The following PRKCH variants were observed in gnomAD, a reference collection of about 807,000 sequenced individuals.
PRKCH encodes protein kinase C eta type.
PRKCH carries 28 observed loss-of-function variants against 82.5 expected under a neutral mutation model. The ratio of observed to expected loss-of-function variants is 0.34; its 90% confidence interval spans 0.25 to 0.47. PRKCH has a LOEUF of 0.47. Among genes scored for constraint, PRKCH ranks in the 20% least tolerant of loss-of-function variants. PRKCH has a pLI of 1.00. For missense variants in PRKCH, 705 were observed against 881.8 expected (o/e 0.80, Z 2.54); for synonymous variants, 322 against 327.4 (o/e 0.98, Z 0.18).
At chr14:61,266,087 G>A (rs1436216136) in intron 1 of PRKCH, among the ~76,000 whole-genome samples, 5 of 151,326 alleles carry the variant, frequency 3.3e-5, no homozygotes, top group Non-Finnish European at 7.4e-5. Context: ...TTAAGAGGGA[G>A]AAAGAGTTTT....
chr14:61,422,632 A>C (rs1882901334), intron 2 of PRKCH, among the ~76,000 whole-genome samples: 1 of 152,206 alleles, frequency 6.6e-6, no homozygotes, highest in Non-Finnish European at 1.5e-5. Context: ...AGCACCCTGG[A>C]CATGCATACT....
chr14:61,364,927 T>C (rs2046278116), intron 1 of PRKCH, among the ~76,000 whole-genome samples: 1 of 152,002 alleles, frequency 6.6e-6, no homozygotes, highest in Non-Finnish European at 1.5e-5. Context: ...TTCGTAGACC[T>C]GGATGGCTTG....
intron 9 of PRKCH, among the ~76,000 whole-genome samples, chr14:61,484,764 C>CGTTTTTT: frequency 8.3e-6 from 1 of 121,206 alleles, no homozygotes; most frequent in African/African-American, 3.2e-5. Flanking sequence ...ATTTGGCTTC[C>CGTTTTTT]TTTTTTTTTT....
At chr14:61,421,250 A>G (rs147294274) in intron 2 of PRKCH, among the ~76,000 whole-genome samples, 3 of 152,126 alleles carry the variant, frequency 2.0e-5, no homozygotes, top group East Asian at 3.9e-4. Context: ...TGTCATCAAT[A>G]TATACAATCA....
At chr14:61,205,107 A>G (rs1307869483) in intron 1 of PRKCH, among the ~76,000 whole-genome samples, 2 of 152,236 alleles carry the variant, frequency 1.3e-5, no homozygotes, top group Admixed American at 6.5e-5. Flanking sequence ...ACTCATGACC[A>G]GTGTCACCAA....
chr14:61,225,623 G>A (rs759801812), intron 1 of PRKCH, among the ~76,000 whole-genome samples: 7 of 152,282 alleles, frequency 4.6e-5, no homozygotes, highest in South Asian at 2.1e-4. Flanking sequence ...AGTAAGTGTC[G>A]TCTGCTCTGT....
At chr14:61,190,935 A>G (rs2044403402) in intron 1 of PRKCH, among the ~76,000 whole-genome samples, 3 of 152,182 alleles carry the variant, frequency 2.0e-5, no homozygotes, top group African/African-American at 7.2e-5. Context: ...GAATGAACCC[A>G]CAATTTAGGG....
intron 1 of PRKCH, among the ~76,000 whole-genome samples, chr14:61,343,371 AAAAAGGAAAAACAGACACTAGACTGG>A (rs1432122109): frequency 6.6e-6 from 1 of 151,350 alleles, no homozygotes; most frequent in Non-Finnish European, 1.5e-5. Flanking sequence ...AAAAAAAAAA[AAAAAGGAAAAACAGACACTAGACTGG>A]ATAGAAAAGA....
intron 1 of PRKCH, among the ~76,000 whole-genome samples, chr14:61,225,989 T>A (rs1410176130): frequency 1.3e-5 from 2 of 152,176 alleles, no homozygotes; most frequent in Non-Finnish European, 2.9e-5. Flanking sequence ...GGTGGGAATG[T>A]TTTTAATGAG....
intron 10 of PRKCH, among the ~76,000 whole-genome samples, chr14:61,493,900 G>A (rs1594760837): frequency 6.6e-6 from 1 of 151,790 alleles, no homozygotes; most frequent in African/African-American, 2.4e-5. Context: ...AAGCTGATAG[G>A]ACTTAGTATT....
rs112184730 is a variant in PRKCH, at chr14:61,456,855, G to T, written c.961-321G>T. The T allele has an allele frequency of 7.0e-3, 1,521 of 215,950 alleles. 19 individuals carry two copies. The highest frequency in any genetic ancestry group is 0.032 in the African/African-American group (1,422 of 43,950). The allele number at this position is 215,950 out of a possible 1,614,324, so 13.4% of individuals were successfully genotyped here. A position where few individuals can be genotyped will look rare whatever the true frequency, so the allele number is the denominator to read the frequency against. ...GGCGCTCGTGGAATGGGACCTTCCC[G>T]TGGAAAGCCACCGCAGAAGGCACCC... On this transcript the variant is annotated intron_variant, in intron 7 of 13. Transcript: ENST00000332981.
chr14:61,457,724 C>T (rs1179633768), intron 9 of PRKCH, 45 bp downstream of exon 9: 1 of 1,602,022 alleles, frequency 6.2e-7, no homozygotes, highest in South Asian at 1.1e-5. Context: ...TCTTTTCTTA[C>T]AGAGCTGAGA....
intron 1 of PRKCH, among the ~76,000 whole-genome samples, chr14:61,190,719 C>T (rs910751695): frequency 4.6e-5 from 7 of 152,094 alleles, no homozygotes; most frequent in South Asian, 2.1e-4. Context: ...GAAGGCAGGA[C>T]GCTCCCCGCT....
rs766700581 is a variant in PRKCH at position 61,280,756 on chromosome 14, G to A, written c.-19+93088G>A. On this transcript the variant is annotated intron_variant, in intron 1 of 3. Transcript: ENST00000555185. The surrounding 1 kb of genome is among the most constrained non-coding windows in gnomAD (Gnocchi z 5.0). Reference sequence around the variant, plus strand: ...CGCGCTGGGGAGTCCGCTCAGCTGCGCGTCGTCGCGGGACACGCCGTAGCG... The same window carrying A: ...CGCGCTGGGGAGTCCGCTCAGCTGCACGTCGTCGCGGGACACGCCGTAGCG... The A allele has an allele frequency of 4.4e-5, 69 of 1,561,046 alleles. No homozygotes were observed. Among genetic ancestry groups the A allele is most frequent in the Non-Finnish European group, 3.5e-5 (41 of 1,161,242 alleles).
intron 9 of PRKCH, among the ~76,000 whole-genome samples, chr14:61,483,137 C>T (rs998807435): frequency 3.9e-5 from 6 of 152,256 alleles, no homozygotes; most frequent in Admixed American, 2.0e-4. Flanking sequence ...CTCAGGCCAT[C>T]AGTGGCCATC....
At chr14:61,204,834 C>A (rs2044510311) in intron 1 of PRKCH, among the ~76,000 whole-genome samples, 3 of 150,822 alleles carry the variant, frequency 2.0e-5, no homozygotes, top group Admixed American at 6.6e-5. Context: ...GAGGTTACCA[C>A]CAAAAGAACT....
At chr14:61,419,947 G>T (rs1330781582) in intron 2 of PRKCH, among the ~76,000 whole-genome samples, 1 of 152,222 alleles carries the variant, frequency 6.6e-6, no homozygotes, top group African/African-American at 2.4e-5. Context: ...AGAGATGCCA[G>T]TTGAAGGCCT....
chr14:61,519,003 C>G (rs965922511), intron 10 of PRKCH, among the ~76,000 whole-genome samples: 1 of 152,100 alleles, frequency 6.6e-6, no homozygotes, highest in African/African-American at 2.4e-5. Context: ...TTTTGTATAG[C>G]TGGACACAAT....
chr14:61,368,840 G>A (rs2046331343), intron 1 of PRKCH, among the ~76,000 whole-genome samples: 3 of 152,102 alleles, frequency 2.0e-5, no homozygotes, highest in African/African-American at 4.8e-5. Flanking sequence ...CACTCAAAGT[G>A]CAGTTGACAA....
Sources: allele counts gnomAD v4.1 joint callset (sites outside exome capture counted in the v4.1 genomes callset), GRCh38; gene constraint gnomAD v4.1.1; non-coding constraint Gnocchi (gnomAD v3.1); transcripts MANE v1.5; gene names NCBI Gene and HGNC (gene_info 2026-07-23, HGNC 2026-07-21).